TOGARAM1: variants seen among roughly 807,000 people sequenced by gnomAD.
The protein encoded by TOGARAM1 is TOG array regulator of axonemal microtubules 1.
Under a neutral mutation model 166.6 loss-of-function variants are expected in TOGARAM1, and 100 were observed. The ratio of observed to expected loss-of-function variants is 0.60; its 90% CI spans 0.51 to 0.71. TOGARAM1 has a LOEUF of 0.71. Among genes scored for constraint, TOGARAM1 ranks in the 30% least tolerant of loss-of-function variants. The pLI, the probability that TOGARAM1 is intolerant of heterozygous loss-of-function variation, is 0.00. For missense variants in TOGARAM1, 2,029 were observed against 2,102.7 expected (o/e 0.96, Z 0.69); for synonymous variants, 758 against 763.8 (o/e 0.99, Z 0.13).
intron 1 of TOGARAM1, among the ~76,000 whole-genome samples, chr14:44,994,104 C>T (rs969767647): frequency 4.6e-5 from 7 of 152,018 alleles, no homozygotes; most frequent in South Asian, 2.1e-4. Flanking sequence ...TTTTTTATTA[C>T]GGCATTCTTC....
intron 11 of TOGARAM1, among the ~76,000 whole-genome samples, chr14:45,040,123 G>C (rs1381607716): frequency 6.6e-6 from 1 of 152,134 alleles, no homozygotes; most frequent in African/African-American, 2.4e-5. Flanking sequence ...TTGTTCTCTG[G>C]AATTAAATTG....
At position 45,068,469 on chromosome 14, in the gene TOGARAM1, G is replaced by A. The variant is rs778004952; in HGVS notation, c.4795G>A (p.Val1599Ile). 6.2e-7 allele frequency: 1 copy of A among 1,612,568 alleles called. No individual in the cohort carries two copies. Among genetic ancestry groups the A allele is most frequent in the South Asian group, 1.1e-5 (1 of 90,728 alleles). ...TCGACTTCATGATTCTAATAGTAAA[G>A]TAAATCTGGTGGCTCTGGAAACAAT... ...KSRLHDSNSK[V>I]NLVALETMHK... The change falls in exon 18 of 20, where the codon GTA becomes ATA. Residue 1599 changes from valine to isoleucine, a missense_variant. Physicochemically the swap from Val to Ile is conservative, Grantham distance 29. Around this residue, in one of 2 missense-constraint regions of TOGARAM1, gnomAD observed 576 missense variants for 670.5 expected, o/e 0.86. Transcript: ENST00000361462.
chr14:45,042,473 A>G (rs1881775314), intron 11 of TOGARAM1, among the ~76,000 whole-genome samples: 1 of 152,126 alleles, frequency 6.6e-6, no homozygotes, highest in Non-Finnish European at 1.5e-5. Context: ...ACATACACAT[A>G]AATACATATA....
At chr14:44,980,170 A>G (rs2138753735) in intron 1 of TOGARAM1, among the ~76,000 whole-genome samples, 1 of 152,242 alleles carries the variant, frequency 6.6e-6, no homozygotes, top group South Asian at 2.1e-4. Flanking sequence ...CCTGATTTGT[A>G]CTGGCTCTTG....
At chr14:45,056,412 A>G (rs1882642414) in intron 16 of TOGARAM1, among the ~76,000 whole-genome samples, 1 of 152,162 alleles carries the variant, frequency 6.6e-6, no homozygotes, top group Admixed American at 6.6e-5. Context: ...TGTGTTGAAT[A>G]GAAGTGGTGA....
intron 2 of TOGARAM1, among the ~76,000 whole-genome samples, chr14:44,998,619 G>A (rs530862690): frequency 6.6e-5 from 10 of 152,250 alleles, no homozygotes; most frequent in Admixed American, 6.5e-4. Flanking sequence ...GGCAATAAGA[G>A]TGAGACCCTG....
chr14:44,996,003 T>G, intron 2 of TOGARAM1, 101 bp downstream of exon 2: 1 of 852,518 alleles, frequency 1.2e-6, no homozygotes, highest in Non-Finnish European at 1.7e-6. Context: ...AGTAGGCAGT[T>G]CAGATTCAAT....
Position 44,977,457 on chromosome 14 carries a change from T to C in TOGARAM1, c.2046+12990T>C, listed in dbSNP as rs192502604. On this transcript the variant is annotated intron_variant, in intron 1 of 19. Coordinates refer to ENST00000361462, the MANE Select transcript of TOGARAM1 (RefSeq NM_001308120.2). ...TTCACCGTGTTAGCTGGGATGGTCT[T>C]GATCTCCTGACCTCATGATCTGCCC... Among the ~76,000 whole-genome samples, 516 of 151,770 alleles carry C rather than the reference T, an allele frequency of 3.4e-3. 3 individuals carry two copies. The highest frequency in any genetic ancestry group is 4.7e-3 in the Non-Finnish European group (320 of 67,908).
intron 16 of TOGARAM1, 130 bp downstream of exon 16, chr14:45,054,679 T>A: frequency 1.6e-6 from 1 of 633,226 alleles, no homozygotes; most frequent in Non-Finnish European, 2.8e-6. Context: ...TTGCTTAGGA[T>A]CCAGAAAGTG....
chr14:44,969,039 T>C (rs1408274018), intron 1 of TOGARAM1, among the ~76,000 whole-genome samples: 1 of 152,252 alleles, frequency 6.6e-6, no homozygotes, highest in Non-Finnish European at 1.5e-5. Context: ...GATTGGTTTC[T>C]TTCACTTAGT....
intron 11 of TOGARAM1, among the ~76,000 whole-genome samples, chr14:45,033,569 A>G (rs991613904): frequency 1.3e-5 from 2 of 152,228 alleles, no homozygotes; most frequent in African/African-American, 2.4e-5. Flanking sequence ...CCCATGAGCC[A>G]TAGTTTGCCA....
At chr14:45,054,351 A>G (rs1882527714) in intron 15 of TOGARAM1, 80 bp from the exon 16 acceptor site, 1 of 846,812 alleles carries the variant, frequency 1.2e-6, no homozygotes, top group Non-Finnish European at 1.8e-6. Context: ...AATGATGCCT[A>G]CTTTGAAAAT....
chr14:44,977,435 A>T (rs1468577915), intron 1 of TOGARAM1, among the ~76,000 whole-genome samples: 1 of 150,434 alleles, frequency 6.6e-6, no homozygotes, highest in African/African-American at 2.4e-5. Flanking sequence ...ACGGGGTTTC[A>T]CCGTGTTAGC....
intron 5 of TOGARAM1, chr14:45,006,698 A>G (rs1566628337): frequency 1.3e-5 from 2 of 152,804 alleles, no homozygotes; most frequent in South Asian, 2.0e-4. Flanking sequence ...TACCATTTAT[A>G]TATGTCTTAT....
At chr14:45,066,358 G>A (rs1293477941) in intron 16 of TOGARAM1, among the ~76,000 whole-genome samples, 1 of 152,104 alleles carries the variant, frequency 6.6e-6, no homozygotes, top group Non-Finnish European at 1.5e-5. Flanking sequence ...ATGAGTAAAA[G>A]TATAGGCTAA....
At chr14:44,982,500 A>G (rs1167999808) in intron 1 of TOGARAM1, among the ~76,000 whole-genome samples, 1 of 152,194 alleles carries the variant, frequency 6.6e-6, no homozygotes, top group Non-Finnish European at 1.5e-5. Flanking sequence ...AGTAACCTAG[A>G]CTAAAAAGTA....
chr14:44,997,859 T>G (rs1479497973), intron 2 of TOGARAM1, among the ~76,000 whole-genome samples: 1 of 151,432 alleles, frequency 6.6e-6, no homozygotes, highest in Non-Finnish European at 1.5e-5. Flanking sequence ...GAGTTCTAAA[T>G]GATAGTTTAG....
At position 44,963,615 on chromosome 14, in the gene TOGARAM1, G is replaced by C. The variant is rs1425474102; in HGVS notation, c.1194G>C (p.Leu398Phe). ...PHSSLVGFIS[L>F]LYNLLDDSNF... is the part of the protein sequence containing the mutation. ...CTAGTCTTGTTGGCTTCATTAGTTT[G>C]CTATATAATTTGTTAGACGATTCTA... Residue 398 changes from leucine to phenylalanine, a missense_variant, in exon 1 of 20, where the codon TTG becomes TTC. By Grantham distance (22) the Leu-to-Phe change is conservative. Coordinates refer to ENST00000361462, the MANE Select transcript of TOGARAM1 (RefSeq NM_001308120.2). The C allele has an allele frequency of 6.2e-7, 1 of 1,613,558 alleles. No homozygotes were observed. Among genetic ancestry groups the C allele is most frequent in the Non-Finnish European group, 8.5e-7 (1 of 1,179,980 alleles).
Position 45,006,279 on chromosome 14 carries a change from A to G in TOGARAM1, c.2904+12A>G. 1 of 1,555,590 alleles carries G rather than the reference A, an allele frequency of 6.4e-7. No homozygotes were observed. The highest frequency in any genetic ancestry group is 8.7e-7 in the Non-Finnish European group (1 of 1,146,834). On this transcript the variant is annotated intron_variant, in intron 5 of 19. Coordinates refer to ENST00000361462, the MANE Select transcript of TOGARAM1 (RefSeq NM_001308120.2). Reference sequence around the variant, plus strand: ...TGGATCAAGAAGAGGTTAGAACCAAATATTTTTAATGACTTAAAAATATTT... The same window carrying G: ...TGGATCAAGAAGAGGTTAGAACCAAGTATTTTTAATGACTTAAAAATATTT...
Sources: gnomAD v4.1 joint callset for allele counts (sites outside exome capture counted in the v4.1 genomes callset) on GRCh38, gnomAD v4.1.1 for gene constraint, gnomAD v4.1.1 regional missense constraint, MANE v1.5 for transcripts, NCBI Gene and HGNC (gene_info 2026-07-23, HGNC 2026-07-21) for gene names.